HMCN1: variants seen among roughly 807,000 people sequenced by gnomAD.
The protein encoded by HMCN1 is hemicentin-1.
Under a neutral mutation model 625.9 loss-of-function variants are expected in HMCN1, and 321 were observed. The ratio of observed to expected loss-of-function variants is 0.51; its 90% CI spans 0.47 to 0.56. HMCN1 has a LOEUF of 0.56. Ranked by LOEUF, HMCN1 falls within the 20% of genes least tolerant of loss-of-function variation. The pLI is 0.00. For missense variants in HMCN1, 6,588 were observed against 6,887.3 expected, an observed-to-expected ratio of 0.96 and a Z score of 1.54; for synonymous variants, 2,425 against 2,417.6, an observed-to-expected ratio of 1.00 and a Z score of -0.09.
At chr1:186,161,068 G>C (rs1054335261) in intron 97 of HMCN1, among the ~76,000 whole-genome samples, 1 of 152,064 alleles carries the variant, frequency 6.6e-6, no homozygotes, top group Non-Finnish European at 1.5e-5. Context: ...TCTCTTTCTA[G>C]GTCTCTAAGG....
At chr1:185,774,022 A>G (rs1033364130) in intron 1 of HMCN1, among the ~76,000 whole-genome samples, 2 of 152,178 alleles carry the variant, frequency 1.3e-5, no homozygotes, top group Admixed American at 1.3e-4. Flanking sequence ...AGTGGGTGAT[A>G]TGATGTGATA....
At chr1:186,103,759 C>A (rs1235715911) in intron 69 of HMCN1, 91 bp downstream of exon 69, 2 of 1,057,710 alleles carry the variant, frequency 1.9e-6, no homozygotes, top group Non-Finnish European at 2.8e-6. Context: ...TCTTTGAATC[C>A]TTATATATCA....
intron 7 of HMCN1, 150 bp from the exon 8 acceptor site, chr1:185,923,240 T>C: frequency 3.0e-6 from 2 of 667,412 alleles, no homozygotes; most frequent in Non-Finnish European, 5.3e-6. Flanking sequence ...ATGCATAAAC[T>C]GTCTTTTATG....
At chr1:185,873,316 G>C (rs1663738746) in intron 4 of HMCN1, among the ~76,000 whole-genome samples, 1 of 152,038 alleles carries the variant, frequency 6.6e-6, no homozygotes, top group Admixed American at 6.6e-5. Flanking sequence ...AATCCACACT[G>C]TCTTGAAAGA....
In HMCN1 at chr1:185,734,487, C is replaced by G; in HGVS notation, c.-293C>G. 1 of 381,986 alleles carries G rather than the reference C, an allele frequency of 2.6e-6. No individual in the cohort carries two copies. The highest frequency in any genetic ancestry group is 4.5e-5 in the East Asian group (1 of 21,980). The allele number at this position is 381,986 out of a possible 1,614,324, so 23.7% of individuals were successfully genotyped here. A position where few individuals can be genotyped will look rare whatever the true frequency, so the allele number is the denominator to read the frequency against. The stretch of plus-strand genomic sequence containing the variant: ...CAGAGCTGCCCCCGGGGCATGGACC[C>G]GACGCGCCGCCCGCACTCCGCCACA... On this transcript the variant is annotated 5_prime_UTR_variant, in exon 1 of 107. Coordinates refer to ENST00000271588, the MANE Select transcript of HMCN1 (RefSeq NM_031935.3).
At chr1:185,748,823 A>G (rs961585467) in intron 1 of HMCN1, among the ~76,000 whole-genome samples, 2 of 152,236 alleles carry the variant, frequency 1.3e-5, no homozygotes, top group African/African-American at 4.8e-5. Context: ...CATTTGGTGC[A>G]AAGCCTGACA....
At chr1:186,063,069 T>TGC (rs1179727077) in intron 48 of HMCN1, among the ~76,000 whole-genome samples, 89 of 72,026 alleles carry the variant, frequency 1.2e-3, no homozygotes, top group African/African-American at 4.3e-3. Flanking sequence ...TGTGTGTGCA[T>TGC]ATATATATAT....
chr1:186,028,238 A>G (rs1420306020), intron 36 of HMCN1, among the ~76,000 whole-genome samples: 1 of 152,204 alleles, frequency 6.6e-6, no homozygotes, highest in Non-Finnish European at 1.5e-5. Context: ...ATGTACATGC[A>G]GCTTTTGGAA....
intron 25 of HMCN1, among the ~76,000 whole-genome samples, chr1:185,998,863 T>A (rs1015854343): frequency 2.0e-5 from 3 of 152,266 alleles, no homozygotes; most frequent in African/African-American, 7.2e-5. Flanking sequence ...ATTAATTAAG[T>A]AGTCTGATTA....
At chr1:185,994,190 A>G (rs1652628970) in intron 23 of HMCN1, among the ~76,000 whole-genome samples, 2 of 152,126 alleles carry the variant, frequency 1.3e-5, no homozygotes, top group African/African-American at 4.8e-5. Context: ...CTTGTGGCTC[A>G]ACTTGATTCT....
At chr1:185,757,837 C>T (rs1271712843) in intron 1 of HMCN1, among the ~76,000 whole-genome samples, 1 of 152,108 alleles carries the variant, frequency 6.6e-6, no homozygotes. Context: ...TTCCTCTCTC[C>T]TTGGAGTCCC....
chr1:185,820,354 T>A (rs1419998129), intron 1 of HMCN1, among the ~76,000 whole-genome samples: 1 of 152,168 alleles, frequency 6.6e-6, no homozygotes, highest in Non-Finnish European at 1.5e-5. Flanking sequence ...GTATTTGAGA[T>A]TGGATTTTGC....
At chr1:185,776,813 A>G (rs1047117338) in intron 1 of HMCN1, among the ~76,000 whole-genome samples, 3 of 152,212 alleles carry the variant, frequency 2.0e-5, no homozygotes, top group Non-Finnish European at 4.4e-5. Context: ...TTGTGTTTCT[A>G]TGATCTCCTT....
At chr1:186,189,416 C>A in intron 106 of HMCN1, 96 bp from the exon 107 acceptor site, 1 of 1,347,916 alleles carries the variant, frequency 7.4e-7, no homozygotes, top group Non-Finnish European at 1.1e-6. Context: ...CTACTGCATG[C>A]AGTGCCTAAA....
intron 33 of HMCN1, among the ~76,000 whole-genome samples, chr1:186,017,721 T>G (rs1393169467): frequency 3.3e-5 from 5 of 152,044 alleles, no homozygotes; most frequent in Non-Finnish European, 7.4e-5. Context: ...TGGTTATTAT[T>G]TAAACATTGA....
chr1:185,822,324 T>A (rs899222399), intron 1 of HMCN1, among the ~76,000 whole-genome samples: 4 of 152,110 alleles, frequency 2.6e-5, no homozygotes, highest in African/African-American at 9.7e-5. Context: ...TACATGGGAA[T>A]CTCTGTTCCT....
chr1:186,087,601 G>A lies in HMCN1; in HGVS notation c.9319G>A (p.Glu3107Lys), dbSNP rs1659583993. Residue 3107 changes from glutamate to lysine, a missense_variant, in exon 60 of 107, where the codon GAG becomes AAG. Around this residue, in one of 3 missense-constraint regions of HMCN1, gnomAD observed 4,628 missense variants for 4,853.1 expected, o/e 0.95. Coordinates refer to ENST00000271588, the MANE Select transcript of HMCN1 (RefSeq NM_031935.3). ...GRMITESTHV[E>K]ILADGQMLHI... is the part of the protein sequence containing the mutation. ...GATGATAACAGAGTCTACTCATGTG[G>A]AGATTTTAGCTGATGGACAAATGCT... 1 of 1,613,182 alleles carries A rather than the reference G, an allele frequency of 6.2e-7. No individual in the cohort carries two copies. The highest frequency in any genetic ancestry group is 8.5e-7 in the Non-Finnish European group (1 of 1,179,458).
intron 1 of HMCN1, among the ~76,000 whole-genome samples, chr1:185,783,153 G>T (rs1557964973): frequency 6.6e-6 from 1 of 152,048 alleles, no homozygotes; most frequent in Non-Finnish European, 1.5e-5. Context: ...ACTGAAGCTT[G>T]TGCATTCGTC....
intron 11 of HMCN1, among the ~76,000 whole-genome samples, chr1:185,936,840 T>A (rs1219200277): frequency 1.3e-5 from 2 of 152,228 alleles, no homozygotes; most frequent in Non-Finnish European, 2.9e-5. Flanking sequence ...AGGAGCCATG[T>A]ACATCAGACT....
Sources: gnomAD v4.1 joint callset for allele counts (sites outside exome capture counted in the v4.1 genomes callset) on GRCh38, gnomAD v4.1.1 for gene constraint, gnomAD v4.1.1 regional missense constraint, MANE v1.5 for transcripts, NCBI Gene and HGNC (gene_info 2026-07-23, HGNC 2026-07-21) for gene names.